Variants in NAB2 observed in about 807,000 individuals in gnomAD.
The protein encoded by NAB2 is NGFI-A-binding protein 2.
Under a neutral mutation model 44.2 loss-of-function variants are expected in NAB2, and 9 were observed. That is an observed-to-expected ratio of 0.20 (90% CI 0.12 to 0.36). NAB2 has a LOEUF of 0.36. Among genes scored for constraint, NAB2 ranks in the 10% least tolerant of loss-of-function variants. The probability of loss-of-function intolerance (pLI) is 1.00; values close to 1 mark genes in which losing one functional copy is unlikely to be tolerated. For synonymous variants in NAB2, 342 were observed against 291.0 expected (o/e 1.18, Z -1.78); for missense variants, 514 against 709.0 (o/e 0.73, Z 3.12).
chr12:57,092,543 C>G lies in NAB2; in HGVS notation c.1053C>G (p.Ala351=). 6.2e-7 allele frequency: 1 copy of G among 1,614,164 alleles called. No homozygotes were observed. The highest frequency in any genetic ancestry group is 8.5e-7 in the Non-Finnish European group (1 of 1,180,030). ...TCTTCTCTTTGTCCCGCCAAGTAGC[C>G]CGAGAGAGCACCTACTTGTCCTCCT... ...VELFSLSRQV[A]RESTYLSSLK... Residue 351 remains alanine, a synonymous_variant, in exon 3 of 7, where the codon GCC becomes GCG. Transcript: ENST00000300131.
chr12:57,092,210 G>A lies in NAB2; in HGVS notation c.957+212G>A, dbSNP rs530729953. The A allele has an allele frequency of 1.9e-5, 20 of 1,048,808 alleles. No individual in the cohort carries two copies. In the South Asian group the frequency reaches 2.9e-4, roughly 15 times the overall value. 65.0% of individuals were successfully genotyped at this position (1,048,808 alleles called of 1,614,324 possible). ...GCAGAGATACAGGCAGCACCGAGCT[G>A]TTCAGCTCCTTGTCACTCAGGACCC... On this transcript the variant is annotated intron_variant, in intron 2 of 6. Coordinates refer to ENST00000300131, the MANE Select transcript of NAB2 (RefSeq NM_005967.4).
chr12:57,089,664 T>C (rs1006904443), intron 1 of NAB2, among the ~76,000 whole-genome samples: 7 of 150,110 alleles, frequency 4.7e-5, no homozygotes, highest in African/African-American at 1.7e-4. Flanking sequence ...GCCCTGGAGC[T>C]CGAGCTGGCA....
rs1172187912 is a variant in NAB2, at chr12:57,093,202, G to A, written c.1276+7G>A. 6.3e-7 allele frequency: 1 copy of A among 1,593,796 alleles called. No homozygotes were observed. The highest frequency in any genetic ancestry group is 8.5e-7 in the Non-Finnish European group (1 of 1,173,898). ...CTGGATGGACATTTGCAGGGTGAGT[G>A]TGCCTCAGAACACTTTTCTCTTCAT... On this transcript the variant is annotated splice_region_variant and intron_variant, in intron 5 of 6. Transcript: ENST00000300131.
At chr12:57,092,635 A>G in intron 3 of NAB2, 54 bp downstream of exon 3, 1 of 1,599,238 alleles carries the variant, frequency 6.3e-7, no homozygotes, top group Non-Finnish European at 8.5e-7. Flanking sequence ...ATGGAGTTAG[A>G]TCATGTCCTA....
chr12:57,092,109 C>T (rs1041748129), intron 2 of NAB2, 111 bp downstream of exon 2: 28 of 1,456,360 alleles, frequency 1.9e-5, no homozygotes, highest in African/African-American at 4.3e-5. Flanking sequence ...TTGACCAGGA[C>T]CCCAGGCCCT....
chr12:57,092,192 T>TA (rs1312965738), intron 2 of NAB2, 194 bp downstream of exon 2: 1 of 1,101,166 alleles, frequency 9.1e-7, no homozygotes, highest in African/African-American at 1.6e-5. Flanking sequence ...GAAGCAGAGA[T>TA]ACAGGCAGCA....
Position 57,093,603 on chromosome 12 carries a change from GGCAGCCAGCA to G in NAB2, c.1468+7_1468+16del. 1 of 1,502,920 alleles carries G rather than the reference GGCAGCCAGCA, an allele frequency of 6.7e-7. No homozygotes were observed. The highest frequency in any genetic ancestry group is 8.9e-7 in the Non-Finnish European group (1 of 1,125,408). The allele number at this position is 1,502,920 out of a possible 1,614,324, so 93.1% of individuals were successfully genotyped here. A position where few individuals can be genotyped will look rare whatever the true frequency, so the allele number is the denominator to read the frequency against. On this transcript the variant is annotated splice_donor_region_variant and intron_variant, in intron 6 of 6. Transcript: ENST00000300131. ...CTGCGAAGCCACCTCTCGCAGGTGA[GGCAGCCAGCA>G]GTGCTGTCCCCAAGCACCCCGGCCA...
At chr12:57,094,168 GC>G (rs772528066) in intron 6 of NAB2, among the ~76,000 whole-genome samples, 3 of 151,634 alleles carry the variant, frequency 2.0e-5, no homozygotes, top group African/African-American at 4.8e-5. Context: ...TGAGGGAGGA[GC>G]TCGGAGGCTG....
rs775263175 is a variant in NAB2, at chr12:57,091,740, T to C, written c.699T>C (p.Gly233=). 1 of 1,613,678 alleles carries C rather than the reference T, an allele frequency of 6.2e-7. No individual in the cohort carries two copies. The highest frequency in any genetic ancestry group is 1.3e-5 in the African/African-American group (1 of 74,916). Residue 233 remains glycine (G), a synonymous_variant, in exon 2 of 7, where the codon GGT becomes GGC. Coordinates refer to ENST00000300131, the MANE Select transcript of NAB2 (RefSeq NM_005967.4). The surrounding 1 kb of genome is among the most constrained non-coding windows in gnomAD (Gnocchi z 7.3). ...TGGCAGCAGGTGGGACTGGGGGTGG[T>C]CCAGACCGACTGGAGCCAGAGATGG... ...GGLAAGGTGG[G]PDRLEPEMVR... is the part of the protein sequence containing the mutation.
rs778797988 is a variant in NAB2 at position 57,092,399 on chromosome 12, C to G, written c.958-49C>G. The G allele has an allele frequency of 3.1e-6, 5 of 1,602,862 alleles. No homozygotes were observed. The South Asian group carries it at 5.6e-5, about 18-fold the overall frequency. The stretch of plus-strand genomic sequence containing the variant: ...AGGGGTGTGAGGAGGTCTGGTGAGG[C>G]AGCGGGGAAGTTCGAATTCTGACTC... On this transcript the variant is annotated intron_variant, in intron 2 of 6. Transcript: ENST00000300131.
Position 57,091,019 on chromosome 12 carries a change from A to C in NAB2, c.84-106A>C. ...GGGCAGGATAGCATCCAAATGAGGGAGGGGAAGAAAAGCAGGCAGGAAAGA... is the reference window on the plus strand; with the variant it reads ...GGGCAGGATAGCATCCAAATGAGGGCGGGGAAGAAAAGCAGGCAGGAAAGA... On this transcript the variant is annotated intron_variant, in intron 1 of 6. Coordinates refer to ENST00000300131, the MANE Select transcript of NAB2 (RefSeq NM_005967.4). The surrounding 1 kb of genome is among the most constrained non-coding windows in gnomAD (Gnocchi z 7.3). 1.0e-6 allele frequency: 1 copy of C among 966,786 alleles called. No individual in the cohort carries two copies. Among genetic ancestry groups the C allele is most frequent in the Non-Finnish European group, 1.5e-6 (1 of 658,020 alleles). 59.9% of individuals were successfully genotyped at this position (966,786 alleles called of 1,614,324 possible). A position where few individuals can be genotyped will look rare whatever the true frequency, so the allele number is the denominator to read the frequency against.
chr12:57,091,555 C>T lies in NAB2; in HGVS notation c.514C>T (p.Pro172Ser), dbSNP rs2033183574. 6.2e-7 allele frequency: 1 copy of T among 1,610,732 alleles called. No individual in the cohort carries two copies. The highest frequency in any genetic ancestry group is 2.2e-5 in the East Asian group (1 of 44,780). The change falls in exon 2 of 7, where the codon CCA (proline) becomes TCA (serine). Residue 172 changes from proline to serine, a missense_variant. By Grantham distance (74) the Pro-to-Ser change is moderately conservative. Around this residue, in one of 5 missense-constraint regions of NAB2, gnomAD observed 177 missense variants for 200.5 expected, o/e 0.88. Transcript: ENST00000300131. The surrounding 1 kb of genome is among the most constrained non-coding windows in gnomAD (Gnocchi z 7.3). ...CCTTGAACTTGGAGAGAAGCTATCA[C>T]CACTGCCTGGGGGACCTGGGGCAGG... is the stretch of plus-strand genomic sequence containing the variant. ...SPLELGEKLSPLPGGPGAGDP... is the reference protein window; with the variant it reads ...SPLELGEKLSSLPGGPGAGDP...
rs779653210 is a variant in NAB2 at position 57,091,956 on chromosome 12, C to G, written c.915C>G (p.Phe305Leu). Residue 305 changes from phenylalanine to leucine, a missense_variant, in exon 2 of 7, where the codon TTC becomes TTG. By Grantham distance (22) the Phe-to-Leu change is conservative. Around this residue, in one of 5 missense-constraint regions of NAB2, gnomAD observed 53 missense variants for 108.5 expected, o/e 0.49. Transcript: ENST00000300131. This position sits in a 1 kb window ranked among gnomAD's most constrained non-coding sequence, Gnocchi z 7.3. ...IRKYSIIYGR[F>L]DSKRREGKQL... ...AATACAGCATCATCTATGGCCGTTT[C>G]GACTCTAAGCGGCGGGAGGGCAAGC... 2.5e-6 allele frequency: 4 copies of G among 1,613,196 alleles called. No homozygotes were observed. The Admixed American group carries it at 5.0e-5, about 20-fold the overall frequency.
intron 1 of NAB2, among the ~76,000 whole-genome samples, chr12:57,089,662 G>T (rs889755199): frequency 6.6e-6 from 1 of 152,040 alleles, no homozygotes; most frequent in African/African-American, 2.4e-5. Flanking sequence ...ATGCCCTGGA[G>T]CTCGAGCTGG....
intron 1 of NAB2, among the ~76,000 whole-genome samples, chr12:57,089,604 G>C (rs1187522862): frequency 6.6e-6 from 1 of 152,042 alleles, no homozygotes; most frequent in East Asian, 1.9e-4. Flanking sequence ...GCTCCATCTG[G>C]CCTAAGAGCC....
intron 1 of NAB2, 134 bp from the exon 2 acceptor site, chr12:57,090,991 A>C (rs2033173503): frequency 1.4e-6 from 1 of 727,262 alleles, no homozygotes; most frequent in South Asian, 2.3e-5. Flanking sequence ...AGACCTGGGC[A>C]CTGGGCAGGA....
chr12:57,091,078 A>AG lies in NAB2; in HGVS notation c.84-42dup. 6.9e-7 allele frequency: 1 copy of AG among 1,448,136 alleles called. No individual in the cohort carries two copies. The highest frequency in any genetic ancestry group is 1.4e-5 in the South Asian group (1 of 71,540). 89.7% of individuals were successfully genotyped at this position (1,448,136 alleles called of 1,614,324 possible). ...TTGTTAGTGTGGGTTGGTACCCAGT[A>AG]GGGGGACTTGCACCGACTGCCTCTC... On this transcript the variant is annotated intron_variant, in intron 1 of 6. Transcript: ENST00000300131. The surrounding 1 kb of genome is among the most constrained non-coding windows in gnomAD (Gnocchi z 7.3).
intron 3 of NAB2, 133 bp from the exon 4 acceptor site, chr12:57,092,784 A>G: frequency 1.5e-6 from 2 of 1,353,808 alleles, no homozygotes; most frequent in Non-Finnish European, 2.1e-6. Flanking sequence ...ATAGTGCTTG[A>G]ACTAGAGACT....
Position 57,091,603 on chromosome 12 carries a change from C to G in NAB2, c.562C>G (p.Arg188Gly), listed in dbSNP as rs375695749. 1 of 1,604,368 alleles carries G rather than the reference C, an allele frequency of 6.2e-7. No individual in the cohort carries two copies. The highest frequency in any genetic ancestry group is 8.5e-7 in the Non-Finnish European group (1 of 1,174,130). Residue 188 changes from arginine (R) to glycine (G), a missense_variant, in exon 2 of 7, where the codon CGG (arginine) becomes GGG (glycine). Arg to Gly is a moderately radical substitution (Grantham distance 125, BLOSUM62 -2). Coordinates refer to ENST00000300131, the MANE Select transcript of NAB2 (RefSeq NM_005967.4). This position sits in a 1 kb window ranked among gnomAD's most constrained non-coding sequence, Gnocchi z 7.3. ...GAGDPRIWPG[R>G]STPESDVGAG... ...AGGGGACCCCCGGATCTGGCCAGGC[C>G]GGAGCACTCCAGAGTCGGACGTTGG...
Sources: gnomAD v4.1 joint callset for allele counts (sites outside exome capture counted in the v4.1 genomes callset) on GRCh38, gnomAD v4.1.1 for gene constraint, gnomAD v4.1.1 regional missense constraint, Gnocchi (gnomAD v3.1) non-coding constraint, MANE v1.5 for transcripts, NCBI Gene and HGNC (gene_info 2026-07-23, HGNC 2026-07-21) for gene names.